Variants in ADAD2 observed in about 807,000 individuals in gnomAD.
ADAD2 encodes the protein adenosine deaminase domain containing 2, also known as adenosine deaminase domain-containing protein 2.
Under a neutral mutation model 54.5 loss-of-function variants are expected in ADAD2, and 60 were observed. The ratio of observed to expected loss-of-function variants is 1.10; its 90% CI spans 0.89 to 1.36. The LOEUF is 1.36. ADAD2 is among the 40% of genes most tolerant of loss of function. The probability of loss-of-function intolerance (pLI) is 0.00; values close to 1 mark genes in which losing one functional copy is unlikely to be tolerated. For synonymous variants in ADAD2, 543 were observed against 366.2 expected, an observed-to-expected ratio of 1.48 and a Z score of -5.51; for missense variants, 1,103 against 801.3, an observed-to-expected ratio of 1.38 and a Z score of -4.54.
At chr16:84,195,028 C>G in intron 3 of ADAD2, 41 bp from the exon 4 acceptor site, 1 of 1,612,188 alleles carries the variant, frequency 6.2e-7, no homozygotes, top group Non-Finnish European at 8.5e-7. Flanking sequence ...AGGGGAGAGG[C>G]GTGGGCCCCC....
chr16:84,194,935 T>TC lies in ADAD2; in HGVS notation c.568dup (p.Gln190ProfsTer20). Reference sequence around the variant, plus strand: ...CCCGCCCTCCTTGCCTCTTTCAGAGTCCCCCCAGACCTCCAGCCGGCCTCC... The same window carrying TC: ...CCCGCCCTCCTTGCCTCTTTCAGAGTCCCCCCCAGACCTCCAGCCGGCCTCC... On this transcript the variant is annotated frameshift_variant, in exon 3 of 10. Transcript: ENST00000315906. LOFTEE classifies it high-confidence loss of function. The TC allele has an allele frequency of 6.2e-7, 1 of 1,605,050 alleles. No individual in the cohort carries two copies. The highest frequency in any genetic ancestry group is 2.2e-5 in the East Asian group (1 of 44,820).
chr16:84,194,237 A>T lies in ADAD2; in HGVS notation c.419-205A>T, dbSNP rs186672684. On this transcript the variant is annotated intron_variant, in intron 1 of 9. Coordinates refer to ENST00000315906, the MANE Select transcript of ADAD2 (RefSeq NM_001145400.2). ...GAGGAGTTGGGTGAGGACTTGGTTG[A>T]ATCAGCGATGGGTCACAGCCTGCAG... is the stretch of plus-strand genomic sequence containing the variant. 74 of 1,555,796 alleles carry T rather than the reference A, an allele frequency of 4.8e-5. 1 individual carries two copies. The highest frequency in any genetic ancestry group is 4.1e-4 in the Admixed American group (21 of 51,186).
intron 9 of ADAD2, 43 bp from the exon 10 acceptor site, chr16:84,196,827 T>G (rs1278914102): frequency 7.8e-6 from 12 of 1,532,352 alleles, no homozygotes; most frequent in African/African-American, 6.9e-5. Context: ...CCCTGCCCCC[T>G]GCAGGTACCT....
chr16:84,192,132 G>C (rs1189162452), intron 1 of ADAD2, among the ~76,000 whole-genome samples: 4 of 152,080 alleles, frequency 2.6e-5, no homozygotes, highest in Non-Finnish European at 5.9e-5. Context: ...CCTTAACTCA[G>C]AGTGGTTGTT....
intron 1 of ADAD2, among the ~76,000 whole-genome samples, chr16:84,192,263 G>T (rs1042004111): frequency 3.9e-5 from 6 of 152,164 alleles, no homozygotes; most frequent in African/African-American, 1.4e-4. Context: ...TCCCGCCTCA[G>T]CCTCCCGAGG....
Position 84,191,665 on chromosome 16 carries a change from G to T in ADAD2, c.418+17G>T, listed in dbSNP as rs545701645. On this transcript the variant is annotated intron_variant, in intron 1 of 9. Coordinates refer to ENST00000315906, the MANE Select transcript of ADAD2 (RefSeq NM_001145400.2). Reference sequence around the variant, plus strand: ...AGCCACCAGGTGAGGCCGGGCCGGGGCATGGCTGTGCCAGAGGGCAGAGCC... The same window carrying T: ...AGCCACCAGGTGAGGCCGGGCCGGGTCATGGCTGTGCCAGAGGGCAGAGCC... The T allele has an allele frequency of 7.7e-6, 12 of 1,552,806 alleles. No individual in the cohort carries two copies. In the South Asian group the frequency reaches 8.3e-5, roughly 11 times the overall value.
rs370828313 is a variant in ADAD2, at chr16:84,195,166, G to A, written c.705G>A (p.Gly235=). The A allele has an allele frequency of 1.2e-6, 2 of 1,613,444 alleles. No individual in the cohort carries two copies. The highest frequency in any genetic ancestry group is 2.2e-5 in the South Asian group (2 of 91,072). ...DERSPYWACK[G]TVAGVILERE... is the part of the protein sequence containing the mutation. Reference sequence around the variant, plus strand: ...GCTCGCCATACTGGGCCTGTAAGGGGACTGTGGCTGGAGTCATCCTGGAGA... The same window carrying A: ...GCTCGCCATACTGGGCCTGTAAGGGAACTGTGGCTGGAGTCATCCTGGAGA... Residue 235 remains glycine, a synonymous_variant, in exon 4 of 10, where the codon GGG becomes GGA. Transcript: ENST00000315906.
intron 1 of ADAD2, among the ~76,000 whole-genome samples, chr16:84,192,178 T>A (rs1382526803): frequency 6.6e-6 from 1 of 152,198 alleles, no homozygotes; most frequent in African/African-American, 2.4e-5. Flanking sequence ...AGGGTCTTAC[T>A]CTGTTGCCCA....
At position 84,195,959 on chromosome 16, in the gene ADAD2, G is replaced by A; in HGVS notation, c.1197G>A (p.Lys399=). Residue 399 remains lysine (K), a synonymous_variant, in exon 7 of 10, where the codon AAG becomes AAA. Coordinates refer to ENST00000315906, the MANE Select transcript of ADAD2 (RefSeq NM_001145400.2). ...THVGCLSASD[K]LARWAVLGLG... ...TGGGCTGCCTGTCAGCCAGTGACAAGCTGGCACGCTGGGCCGTGCTGGGGC... is the reference window on the plus strand; with the variant it reads ...TGGGCTGCCTGTCAGCCAGTGACAAACTGGCACGCTGGGCCGTGCTGGGGC... The A allele has an allele frequency of 6.3e-7, 1 of 1,599,222 alleles. No individual in the cohort carries two copies. Among genetic ancestry groups the A allele is most frequent in the South Asian group, 1.1e-5 (1 of 91,042 alleles).
chr16:84,195,731 G>T lies in ADAD2; in HGVS notation c.1052+34G>T, dbSNP rs576824503. 9.8e-6 allele frequency: 15 copies of T among 1,529,862 alleles called. No homozygotes were observed. The Admixed American group carries it at 2.7e-4, about 28-fold the overall frequency. The allele number at this position is 1,529,862 out of a possible 1,614,324, so 94.8% of individuals were successfully genotyped here. A position where few individuals can be genotyped will look rare whatever the true frequency, so the allele number is the denominator to read the frequency against. On this transcript the variant is annotated intron_variant, in intron 6 of 9. Coordinates refer to ENST00000315906, the MANE Select transcript of ADAD2 (RefSeq NM_001145400.2). Reference sequence around the variant, plus strand: ...GGCCCCCGGGGCAGGCGGGGGATGGGGCTCCCTCGGTTGGGCTGCTGGGTG... The same window carrying T: ...GGCCCCCGGGGCAGGCGGGGGATGGTGCTCCCTCGGTTGGGCTGCTGGGTG...
At chr16:84,195,502 C>A in intron 5 of ADAD2, 28 bp from the exon 6 acceptor site, 1 of 1,603,178 alleles carries the variant, frequency 6.2e-7, no homozygotes, top group Non-Finnish European at 8.5e-7. Flanking sequence ...CAAGGTCTTC[C>A]CAACCACCCT....
intron 1 of ADAD2, chr16:84,192,654 C>A (rs2089670895): frequency 6.6e-6 from 1 of 152,142 alleles, no homozygotes; most frequent in Admixed American, 6.5e-5. Context: ...GATTCTCCTA[C>A]CTCAGCCTCC....
intron 1 of ADAD2, chr16:84,192,020 C>T (rs941066370): frequency 2.3e-4 from 95 of 405,602 alleles, no homozygotes; most frequent in South Asian, 2.0e-3. Flanking sequence ...ACTCCCCTGA[C>T]TTAAAAGACA....
At position 84,191,331 on chromosome 16, in the gene ADAD2, C is replaced by T. The variant is rs377587969; in HGVS notation, c.101C>T (p.Pro34Leu). The change falls in exon 1 of 10, where the codon CCG (proline) becomes CTG (leucine). Residue 34 changes from proline (P) to leucine (L), a missense_variant. Transcript: ENST00000315906. Reference sequence around the variant, plus strand: ...AGCCCCCAGCCCCGCCCCTGGCGACCGCTACCCGCCCAGGCCCAAAGTGCC... The same window carrying T: ...AGCCCCCAGCCCCGCCCCTGGCGACTGCTACCCGCCCAGGCCCAAAGTGCC... The part of the protein sequence containing the change: ...QISPQPRPWR[P>L]LPAQAQSAWG... 2.4e-5 allele frequency: 38 copies of T among 1,581,174 alleles called. No homozygotes were observed. The highest frequency in any genetic ancestry group is 2.9e-5 in the Non-Finnish European group (34 of 1,164,326).
intron 1 of ADAD2, chr16:84,191,972 G>A: frequency 2.1e-6 from 1 of 472,330 alleles, no homozygotes. Context: ...TGCAATTTAA[G>A]TTGCCGTGCT....
chr16:84,193,955 T>G, intron 1 of ADAD2: 2 of 1,488,790 alleles, frequency 1.3e-6, no homozygotes, highest in Non-Finnish European at 1.8e-6. Context: ...TCCAGATTTT[T>G]CATCTCTCTT....
Position 84,195,973 on chromosome 16 carries a change from C to G in ADAD2, c.1211C>G (p.Ala404Gly). 6.3e-7 allele frequency: 1 copy of G among 1,599,214 alleles called. No individual in the cohort carries two copies. The highest frequency in any genetic ancestry group is 1.3e-5 in the African/African-American group (1 of 75,026). Residue 404 changes from alanine (A) to glycine (G), a missense_variant, in exon 7 of 10, where the codon GCC becomes GGC. Physicochemically the swap from Ala to Gly is moderately conservative, Grantham distance 60 (BLOSUM62 0). Transcript: ENST00000315906. The part of the protein sequence containing the change: ...LSASDKLARW[A>G]VLGLGGALLA... ...GCCAGTGACAAGCTGGCACGCTGGG[C>G]CGTGCTGGGGCTGGGTGGTGCCCTG...
At chr16:84,195,249 C>G (rs1471989053) in intron 4 of ADAD2, 47 bp from the exon 5 acceptor site, 1 of 1,611,092 alleles carries the variant, frequency 6.2e-7, no homozygotes, top group East Asian at 2.2e-5. Flanking sequence ...AGGGCCCCCT[C>G]AAGCTCCTTG....
In ADAD2 at chr16:84,197,037, A is replaced by C; in HGVS notation, c.*63A>C. ...TGTACCCCTGCTGGGGGAGTGCCCT[A>C]TCTGAGGAGCGTTGTGGGGAGAACA... On this transcript the variant is annotated 3_prime_UTR_variant, in exon 10 of 10. Transcript: ENST00000315906. 1 of 1,485,392 alleles carries C rather than the reference A, an allele frequency of 6.7e-7. No individual in the cohort carries two copies. The highest frequency in any genetic ancestry group is 9.2e-7 in the Non-Finnish European group (1 of 1,090,918). The allele number at this position is 1,485,392 out of a possible 1,614,324, so 92.0% of individuals were successfully genotyped here. A position where few individuals can be genotyped will look rare whatever the true frequency, so the allele number is the denominator to read the frequency against.
Sources: allele counts gnomAD v4.1 joint callset (sites outside exome capture counted in the v4.1 genomes callset), GRCh38; gene constraint gnomAD v4.1.1; transcripts MANE v1.5; gene names NCBI Gene and HGNC (gene_info 2026-07-23, HGNC 2026-07-21).